MYO18B: variants seen among roughly 807,000 people sequenced by gnomAD.
The protein encoded by MYO18B is myosin XVIIIB, also known as unconventional myosin-XVIIIb.
In MYO18B, 204 loss-of-function variants were observed where a neutral mutation model predicts 273.0. The observed-to-expected ratio is 0.75, with a 90% CI of 0.67 to 0.84. MYO18B has a LOEUF of 0.84. MYO18B is among the 40% of genes least tolerant of loss of function. The pLI, the probability that MYO18B is intolerant of heterozygous loss-of-function variation, is 0.00. For synonymous variants in MYO18B, 1,330 were observed against 1,305.7 expected (o/e 1.02, Z -0.40); for missense variants, 3,212 against 3,287.6 (o/e 0.98, Z 0.56).
At chr22:25,897,305 C>T (rs1228647503) in intron 28 of MYO18B, 1 of 152,278 alleles carries the variant, frequency 6.6e-6, no homozygotes, top group East Asian at 1.9e-4. Context: ...GATTGCCTTG[C>T]AGAGGTGGGC....
intron 12 of MYO18B, among the ~76,000 whole-genome samples, chr22:25,805,202 C>T (rs1257102004): frequency 6.6e-6 from 1 of 152,174 alleles, no homozygotes; most frequent in Non-Finnish European, 1.5e-5. Context: ...CCATTCGCTC[C>T]TCCAGATAAA....
At position 25,768,873 on chromosome 22, in the gene MYO18B, A is replaced by G; in HGVS notation, c.957A>G (p.Gly319=). ...CCCAAATCCCTGGGAGAAAGTGGGG[A>G]GGTTTCCTGGGAAGAAGGAGTAAGT... ...VRPQIPGRKW[G]GFLGRRSKWD... The change falls in exon 4 of 44, where the codon GGA becomes GGG. Residue 319 remains glycine, a synonymous_variant. Transcript: ENST00000335473. The G allele has an allele frequency of 1.2e-6, 2 of 1,613,148 alleles. No homozygotes were observed. Among genetic ancestry groups the G allele is most frequent in the African/African-American group, 1.3e-5 (1 of 75,046 alleles).
At chr22:25,862,519 A>C (rs182941069) in intron 21 of MYO18B, among the ~76,000 whole-genome samples, 29 of 152,326 alleles carry the variant, frequency 1.9e-4, no homozygotes, top group Admixed American at 1.7e-3. Context: ...CATAGCAATA[A>C]GTTTTCTCAG....
chr22:25,869,309 G>A (rs531187652), intron 22 of MYO18B, among the ~76,000 whole-genome samples: 53 of 152,086 alleles, frequency 3.5e-4, no homozygotes, highest in African/African-American at 1.2e-3. Flanking sequence ...AATTATCTGG[G>A]CGTGGTGGTG....
intron 34 of MYO18B, among the ~76,000 whole-genome samples, chr22:25,933,946 C>T (rs2092544499): frequency 6.6e-6 from 1 of 152,180 alleles, no homozygotes; most frequent in Admixed American, 6.5e-5. Flanking sequence ...CATTTACATT[C>T]CCATCAACAG....
intron 42 of MYO18B, among the ~76,000 whole-genome samples, chr22:26,012,166 C>A (rs569522338): frequency 1.1e-3 from 161 of 152,284 alleles, no homozygotes; most frequent in African/African-American, 3.6e-3. Context: ...CTACTACAGA[C>A]AGGAAGCCAA....
chr22:25,828,377 A>T (rs2089571290), intron 14 of MYO18B, among the ~76,000 whole-genome samples: 1 of 152,236 alleles, frequency 6.6e-6, no homozygotes, highest in Non-Finnish European at 1.5e-5. Flanking sequence ...CAAGGAGGTG[A>T]TAGCTTGAAA....
intron 39 of MYO18B, among the ~76,000 whole-genome samples, chr22:25,956,923 T>C (rs932305751): frequency 6.6e-6 from 1 of 152,200 alleles, no homozygotes; most frequent in African/African-American, 2.4e-5. Context: ...GCTTTGCCCT[T>C]GACAAGCTGG....
the MYO18B span, among the ~76,000 whole-genome samples, chr22:26,056,862 C>T: frequency 8.5e-5 from 13 of 152,258 alleles, no homozygotes; most frequent in East Asian, 9.6e-4. Context: ...TGGGCCCGAG[C>T]GCTCACTGCT....
intron 12 of MYO18B, among the ~76,000 whole-genome samples, chr22:25,817,300 C>G (rs547303631): frequency 6.7e-6 from 1 of 148,162 alleles, no homozygotes; most frequent in African/African-American, 2.5e-5. Flanking sequence ...GTCTCTTTCT[C>G]TCTCTTTCTT....
intron 1 of MYO18B, among the ~76,000 whole-genome samples, chr22:25,747,501 G>A (rs899472967): frequency 6.6e-6 from 1 of 152,222 alleles, no homozygotes; most frequent in Non-Finnish European, 1.5e-5. Context: ...CATCTCATCA[G>A]CCTGTAGGAG....
At chr22:25,852,672 G>C (rs2090458700) in intron 21 of MYO18B, among the ~76,000 whole-genome samples, 1 of 152,212 alleles carries the variant, frequency 6.6e-6, no homozygotes, top group South Asian at 2.1e-4. Flanking sequence ...CGTTTCTTAA[G>C]ATGAAGTGGC....
intron 7 of MYO18B, among the ~76,000 whole-genome samples, chr22:25,773,071 T>C (rs1568997554): frequency 6.6e-6 from 1 of 152,174 alleles, no homozygotes; most frequent in Non-Finnish European, 1.5e-5. Flanking sequence ...CTCGGAAGTG[T>C]AGAAACGGCC....
intron 40 of MYO18B, among the ~76,000 whole-genome samples, chr22:26,001,393 G>T (rs1278459967): frequency 6.6e-6 from 1 of 152,178 alleles, no homozygotes; most frequent in East Asian, 1.9e-4. Context: ...CTCCTGCAAG[G>T]TCTGAAGGGA....
At chr22:25,941,926 G>A (rs2092649142) in intron 34 of MYO18B, among the ~76,000 whole-genome samples, 1 of 152,198 alleles carries the variant, frequency 6.6e-6, no homozygotes, top group Non-Finnish European at 1.5e-5. Context: ...TGTAAACTTG[G>A]CCCATTCTTT....
rs1310764426 is a variant in MYO18B at position 25,898,369 on chromosome 22, G to T, written c.4731G>T (p.Lys1577Asn). ...AGATGGCTCACCAACTGAAGAGGAAGTGCCACCATCTTACCTGTGACCTTG... is the reference window on the plus strand; with the variant it reads ...AGATGGCTCACCAACTGAAGAGGAATTGCCACCATCTTACCTGTGACCTTG... ...AKKMAHQLKR[K>N]CHHLTCDLED... Residue 1577 changes from lysine (K) to asparagine (N), a missense_variant, in exon 29 of 44, where the codon AAG becomes AAT. By Grantham distance (94) the Lys-to-Asn change is moderately conservative. Transcript: ENST00000335473. 1 of 1,613,948 alleles carries T rather than the reference G, an allele frequency of 6.2e-7. No individual in the cohort carries two copies. Among genetic ancestry groups the T allele is most frequent in the Non-Finnish European group, 8.5e-7 (1 of 1,179,858 alleles).
intron 25 of MYO18B, chr22:25,884,597 C>A (rs555245410): frequency 1.8e-4 from 28 of 152,316 alleles, no homozygotes; most frequent in African/African-American, 6.7e-4. Flanking sequence ...TTCTTTCTGA[C>A]TGTGTGCCTC....
chr22:25,816,462 A>G (rs1189828107), intron 12 of MYO18B, among the ~76,000 whole-genome samples: 2 of 152,100 alleles, frequency 1.3e-5, no homozygotes, highest in East Asian at 3.9e-4. Flanking sequence ...TGTCATTTAC[A>G]TTAGGTTTCT....
rs775262213 is a variant in MYO18B at position 26,026,596 on chromosome 22, G to A, written c.6622G>A (p.Gly2208Ser). 22 of 1,613,698 alleles carry A rather than the reference G, an allele frequency of 1.4e-5. No individual in the cohort carries two copies. In the East Asian group the frequency reaches 2.0e-4, roughly 15 times the overall value. ...GCAAAAGTACTGTCATTTTGGGGAC[G>A]GCGAAGTGCTTGCCGTCCAGAGAAA... Reference protein sequence around the residue: ...RRQKYCHFGDGEVLAVQRKST... With the variant: ...RRQKYCHFGDSEVLAVQRKST... The change falls in exon 43 of 44, where the codon GGC becomes AGC. Residue 2208 changes from glycine (G) to serine (S), a missense_variant. Coordinates refer to ENST00000335473, the MANE Select transcript of MYO18B (RefSeq NM_032608.7).
Sources: gnomAD v4.1 joint callset for allele counts (sites outside exome capture counted in the v4.1 genomes callset) on GRCh38, gnomAD v4.1.1 for gene constraint, MANE v1.5 for transcripts, NCBI Gene and HGNC (gene_info 2026-07-23, HGNC 2026-07-21) for gene names.